The following SPATS2 variants were observed in gnomAD, a reference collection of about 807,000 sequenced individuals.
SPATS2 encodes spermatogenesis associated serine rich 2, also known as spermatogenesis-associated serine-rich protein 2.
SPATS2 carries 38 observed loss-of-function variants against 63.7 expected under a neutral mutation model. The observed-to-expected ratio is 0.60, with a 90% CI of 0.46 to 0.78. The LOEUF is 0.78. Among genes scored for constraint, SPATS2 ranks in the 30% least tolerant of loss-of-function variants. The pLI is 0.00. For missense variants in SPATS2, 588 were observed against 666.2 expected (o/e 0.88, Z 1.29); for synonymous variants, 207 against 232.9 (o/e 0.89, Z 1.01).
chr12:49,498,660 C>G (rs1946508799), intron 8 of SPATS2, among the ~76,000 whole-genome samples: 1 of 152,018 alleles, frequency 6.6e-6, no homozygotes, highest in Admixed American at 6.6e-5. Context: ...GCTGTTAATT[C>G]TATGCAGTAT....
chr12:49,416,020 CTTTT>C (rs774706596), intron 2 of SPATS2, among the ~76,000 whole-genome samples: 3 of 137,222 alleles, frequency 2.2e-5, no homozygotes, highest in East Asian at 4.2e-4. Flanking sequence ...AAACATTTTA[CTTTT>C]TTTTTTTTTT....
At chr12:49,462,377 G>A (rs1451444981) in intron 3 of SPATS2, 2 of 702,288 alleles carry the variant, frequency 2.8e-6, no homozygotes, top group Non-Finnish European at 5.2e-6. Context: ...TGGGCCCCGT[G>A]GCAGCATCCA....
intron 3 of SPATS2, chr12:49,462,534 G>T (rs1945840443): frequency 1.5e-6 from 1 of 683,308 alleles, no homozygotes; most frequent in East Asian, 2.7e-5. Context: ...GCCAGCAAGG[G>T]CAAAGGGCCA....
chr12:49,372,952 GT>G (rs1944027112), intron 2 of SPATS2, among the ~76,000 whole-genome samples: 1 of 121,230 alleles, frequency 8.2e-6, no homozygotes, highest in Admixed American at 7.8e-5. Flanking sequence ...GTGTGTGTGT[GT>G]GTGTGTGTGT....
intron 2 of SPATS2, among the ~76,000 whole-genome samples, chr12:49,428,268 A>T (rs2137461292): frequency 6.7e-6 from 1 of 148,268 alleles, no homozygotes. Context: ...AAACAAACAA[A>T]CAAACAAAAA....
At chr12:49,403,762 G>A (rs963597724) in intron 2 of SPATS2, among the ~76,000 whole-genome samples, 14 of 152,192 alleles carry the variant, frequency 9.2e-5, no homozygotes, top group Middle Eastern at 6.8e-3. Flanking sequence ...CAAGATTATA[G>A]TAAGGAATTT....
intron 2 of SPATS2, among the ~76,000 whole-genome samples, chr12:49,401,303 A>G (rs1306616752): frequency 2.0e-5 from 3 of 152,154 alleles, no homozygotes; most frequent in African/African-American, 7.2e-5. Flanking sequence ...GAGCCACTGC[A>G]TCTGGCTCTT....
At position 49,415,961 on chromosome 12, in the gene SPATS2, ACACT is replaced by A. The variant is rs1160902361; in HGVS notation, c.-244+44673_-244+44676del. ...CTCAAGACCCTGCAGGCCTTGGCTT[ACACT>A]CTCAAGGCCCTTTTTGCTTTCCTTT... On this transcript the variant is annotated intron_variant, in intron 2 of 13. Transcript: ENST00000552918. Among the ~76,000 whole-genome samples, 3 of 151,100 alleles carry A rather than the reference ACACT, an allele frequency of 2.0e-5. No individual in the cohort carries two copies. The East Asian group carries it at 5.8e-4, about 29-fold the overall frequency.
chr12:49,516,596 C>T (rs1946855007), intron 10 of SPATS2, among the ~76,000 whole-genome samples: 1 of 151,468 alleles, frequency 6.6e-6, no homozygotes, highest in African/African-American at 2.4e-5. Flanking sequence ...GTCCCAGCTA[C>T]TCGGGAGGCT....
chr12:49,500,495 C>T (rs565668882), intron 9 of SPATS2, among the ~76,000 whole-genome samples: 75 of 151,954 alleles, frequency 4.9e-4, no homozygotes, highest in Admixed American at 1.0e-3. Flanking sequence ...CCTTTTAGGC[C>T]GGTGCGGTGG....
intron 2 of SPATS2, among the ~76,000 whole-genome samples, chr12:49,458,046 TCTC>T (rs1352778573): frequency 6.6e-6 from 1 of 152,198 alleles, no homozygotes; most frequent in African/African-American, 2.4e-5. Flanking sequence ...GACTCTTCAG[TCTC>T]CTCTTTTCAA....
intron 2 of SPATS2, among the ~76,000 whole-genome samples, chr12:49,399,920 C>T (rs1944575833): frequency 6.6e-6 from 1 of 152,128 alleles, no homozygotes; most frequent in Non-Finnish European, 1.5e-5. Flanking sequence ...GCCTTAGTCC[C>T]AGCTACTCGG....
chr12:49,446,826 G>C (rs1297905587), intron 2 of SPATS2, among the ~76,000 whole-genome samples: 2 of 152,184 alleles, frequency 1.3e-5, no homozygotes, highest in African/African-American at 2.4e-5. Context: ...ATGTTTGATT[G>C]AATAATTAGG....
chr12:49,374,856 G>C (rs1944065545), intron 2 of SPATS2, among the ~76,000 whole-genome samples: 1 of 151,008 alleles, frequency 6.6e-6, no homozygotes, highest in South Asian at 2.1e-4. Flanking sequence ...AGTTACTCAG[G>C]AGGCTGAGGC....
chr12:49,395,384 G>A (rs1291572782), intron 2 of SPATS2, among the ~76,000 whole-genome samples: 1 of 150,202 alleles, frequency 6.7e-6, no homozygotes, highest in East Asian at 2.0e-4. Context: ...AAATATCTTT[G>A]TGTTGTTCCT....
chr12:49,473,430 CA>C (rs978480067), intron 3 of SPATS2, among the ~76,000 whole-genome samples: 1 of 150,984 alleles, frequency 6.6e-6, no homozygotes, highest in African/African-American at 2.4e-5. Context: ...CACATACACA[CA>C]AAAAAAAATC....
chr12:49,501,947 C>G (rs745634524), intron 9 of SPATS2, among the ~76,000 whole-genome samples: 2 of 152,036 alleles, frequency 1.3e-5, no homozygotes, highest in African/African-American at 4.8e-5. Flanking sequence ...AATTCTAGCT[C>G]CTTTGTGGGA....
At chr12:49,424,078 C>A (rs944579958) in intron 2 of SPATS2, among the ~76,000 whole-genome samples, 1 of 152,128 alleles carries the variant, frequency 6.6e-6, no homozygotes, top group Non-Finnish European at 1.5e-5. Flanking sequence ...TGGTATGCGC[C>A]TGTAATCCCA....
chr12:49,392,808 T>C (rs1389712476), intron 2 of SPATS2, among the ~76,000 whole-genome samples: 1 of 149,952 alleles, frequency 6.7e-6, no homozygotes, highest in African/African-American at 2.5e-5. Context: ...TCCCAGCACT[T>C]TGGGAAGCTG....
Sources: allele counts gnomAD v4.1 joint callset (sites outside exome capture counted in the v4.1 genomes callset), GRCh38; gene constraint gnomAD v4.1.1; transcripts MANE v1.5; gene names NCBI Gene and HGNC (gene_info 2026-07-23, HGNC 2026-07-21).